CHRM3: variants seen among roughly 807,000 people sequenced by gnomAD.
CHRM3 encodes muscarinic acetylcholine receptor M3.
CHRM3 carries 11 observed loss-of-function variants against 41.8 expected under a neutral mutation model. That is an observed-to-expected ratio of 0.26 (90% CI 0.17 to 0.44). The LOEUF is 0.44. CHRM3 is among the 20% of genes least tolerant of loss of function. The pLI is 1.00. For synonymous variants in CHRM3, 297 were observed against 301.4 expected, an observed-to-expected ratio of 0.99 and a Z score of 0.15; for missense variants, 571 against 745.4, an observed-to-expected ratio of 0.77 and a Z score of 2.72.
chr1:239,720,959 C>T (rs575425041), intron 5 of CHRM3, among the ~76,000 whole-genome samples: 3 of 151,886 alleles, frequency 2.0e-5, no homozygotes, highest in African/African-American at 4.8e-5. Flanking sequence ...ATGTGCTCAA[C>T]TTAAATTGAT....
chr1:239,635,193 C>T (rs1436575435), intron 4 of CHRM3, among the ~76,000 whole-genome samples: 3 of 152,220 alleles, frequency 2.0e-5, no homozygotes, highest in Non-Finnish European at 4.4e-5. Flanking sequence ...GTCAACATGG[C>T]TTTCATTCTT....
chr1:239,757,307 C>T (rs1666320534), intron 5 of CHRM3, among the ~76,000 whole-genome samples: 1 of 152,120 alleles, frequency 6.6e-6, no homozygotes, highest in Non-Finnish European at 1.5e-5. Context: ...ATGTGTATTA[C>T]ATCTCCATTC....
At chr1:239,604,064 A>T (rs1187433698) in intron 3 of CHRM3, among the ~76,000 whole-genome samples, 1 of 152,206 alleles carries the variant, frequency 6.6e-6, no homozygotes, top group Non-Finnish European at 1.5e-5. Flanking sequence ...ATTAAAATAC[A>T]TTAAAAAAGT....
chr1:239,487,057 A>G (rs528667009), intron 1 of CHRM3, among the ~76,000 whole-genome samples: 107 of 152,324 alleles, frequency 7.0e-4, no homozygotes, highest in African/African-American at 2.5e-3. Flanking sequence ...AGAACATATT[A>G]AATTCTTGTT....
At chr1:239,428,009 A>G (rs1417984118) in intron 1 of CHRM3, among the ~76,000 whole-genome samples, 1 of 152,174 alleles carries the variant, frequency 6.6e-6, no homozygotes, top group Non-Finnish European at 1.5e-5. Flanking sequence ...CCTCGGTGTC[A>G]TTGTTTTTGC....
At chr1:239,536,282 T>A (rs1250616284) in intron 2 of CHRM3, among the ~76,000 whole-genome samples, 2 of 152,186 alleles carry the variant, frequency 1.3e-5, no homozygotes, top group African/African-American at 2.4e-5. Flanking sequence ...CTCCATTCTA[T>A]AATTTACTTA....
chr1:239,662,007 TATTA>T (rs1673239318), intron 4 of CHRM3, among the ~76,000 whole-genome samples: 1 of 151,856 alleles, frequency 6.6e-6, no homozygotes, highest in Non-Finnish European at 1.5e-5. Context: ...TAATAAAGCC[TATTA>T]ATTAAAAAAA....
At chr1:239,797,412 A>T (rs2148899440) in intron 5 of CHRM3, among the ~76,000 whole-genome samples, 1 of 152,280 alleles carries the variant, frequency 6.6e-6, no homozygotes, top group Middle Eastern at 3.4e-3. Context: ...TTCTTTAAAA[A>T]AAAAAAAAGA....
chr1:239,711,361 A>T (rs192573256), intron 5 of CHRM3, among the ~76,000 whole-genome samples: 1 of 152,052 alleles, frequency 6.6e-6, no homozygotes, highest in African/African-American at 2.4e-5. Flanking sequence ...ACTCCTGCTC[A>T]GTCCCCAGTG....
chr1:239,739,108 A>G (rs1184712427), intron 5 of CHRM3, among the ~76,000 whole-genome samples: 1 of 152,170 alleles, frequency 6.6e-6, no homozygotes, highest in East Asian at 1.9e-4. Context: ...TGGGTGGAGA[A>G]CAGCCAAGAA....
intron 5 of CHRM3, among the ~76,000 whole-genome samples, chr1:239,751,354 G>A (rs530406463): frequency 7.9e-5 from 12 of 151,858 alleles, no homozygotes; most frequent in African/African-American, 2.7e-4. Context: ...ATTCATTGTT[G>A]ATTTCTATAT....
intron 5 of CHRM3, among the ~76,000 whole-genome samples, chr1:239,791,492 A>G (rs185172126): frequency 3.5e-4 from 54 of 152,298 alleles, no homozygotes; most frequent in Non-Finnish European, 1.9e-4. Flanking sequence ...GGGAAGAGTG[A>G]GTTGGTAGGA....
At chr1:239,553,125 G>A (rs1660027907) in intron 3 of CHRM3, among the ~76,000 whole-genome samples, 1 of 152,126 alleles carries the variant, frequency 6.6e-6, no homozygotes, top group East Asian at 1.9e-4. Flanking sequence ...TGACATATGT[G>A]TATGACCTAA....
intron 4 of CHRM3, among the ~76,000 whole-genome samples, chr1:239,660,505 A>G (rs1216951836): frequency 6.6e-6 from 1 of 152,166 alleles, no homozygotes; most frequent in Non-Finnish European, 1.5e-5. Flanking sequence ...TAGTCTATAT[A>G]TATTAAAAAA....
intron 1 of CHRM3, among the ~76,000 whole-genome samples, chr1:239,418,765 G>T (rs541203868): frequency 1.3e-5 from 2 of 152,264 alleles, no homozygotes; most frequent in East Asian, 3.9e-4. Context: ...ATATTGCAGT[G>T]GGACAAAGTA....
intron 6 of CHRM3, among the ~76,000 whole-genome samples, chr1:239,900,912 T>G (rs1050503283): frequency 1.3e-5 from 2 of 152,200 alleles, no homozygotes; most frequent in Admixed American, 6.5e-5. Flanking sequence ...AAGCTGCCTG[T>G]TGTGGCCCCA....
Position 239,585,711 on chromosome 1 carries a change from A to G in CHRM3, c.-313+39962A>G, listed in dbSNP as rs143367612. ...AAAGTCAATGGACATTTGTATTTCAATACATCCTATACTTTAAGCAGAGAG... is the reference window on the plus strand; with the variant it reads ...AAAGTCAATGGACATTTGTATTTCAGTACATCCTATACTTTAAGCAGAGAG... On this transcript the variant is annotated intron_variant, in intron 3 of 6. Coordinates refer to ENST00000676153, the MANE Select transcript of CHRM3 (RefSeq NM_001375978.1). 3.9e-3 allele frequency among the ~76,000 whole-genome samples: 600 copies of G among 152,318 alleles called. 5 individuals carry two copies. Among genetic ancestry groups the G allele is most frequent in the Middle Eastern group, 0.031 (9 of 294 alleles).
chr1:239,900,472 C>T (rs1679448325), intron 6 of CHRM3, among the ~76,000 whole-genome samples: 1 of 151,444 alleles, frequency 6.6e-6, no homozygotes, highest in Admixed American at 6.6e-5. Context: ...GCTGAGCCTC[C>T]AGAGAACAGT....
intron 5 of CHRM3, among the ~76,000 whole-genome samples, chr1:239,713,267 G>A (rs536447604): frequency 1.3e-5 from 2 of 152,180 alleles, no homozygotes; most frequent in Non-Finnish European, 2.9e-5. Context: ...CCTTAACCAA[G>A]TCATTTCTGA....
Sources: gnomAD v4.1 joint callset for allele counts (sites outside exome capture counted in the v4.1 genomes callset) on GRCh38, gnomAD v4.1.1 for gene constraint, MANE v1.5 for transcripts, NCBI Gene and HGNC (gene_info 2026-07-23, HGNC 2026-07-21) for gene names.